KIAA2012: variants seen among roughly 807,000 people sequenced by gnomAD.
KIAA2012 encodes the protein KIAA2012, also known as uncharacterized protein KIAA2012.
A neutral mutation model predicts 150.6 loss-of-function variants in KIAA2012; 125 were observed. The ratio of observed to expected loss-of-function variants is 0.83; its 90% CI spans 0.72 to 0.96. The LOEUF (loss-of-function observed/expected upper bound fraction) is 0.96. Among genes scored for constraint, KIAA2012 ranks in the 40% least tolerant of loss-of-function variants. The pLI is 0.00. For missense variants in KIAA2012, 1,219 were observed against 1,354.9 expected (o/e 0.90, Z 1.57); for synonymous variants, 462 against 504.7 (o/e 0.92, Z 1.13).
chr2:202,202,139 ACTGCAC>A (rs1692542209), intron 22 of KIAA2012, among the ~76,000 whole-genome samples: 1 of 152,164 alleles, frequency 6.6e-6, no homozygotes, highest in Non-Finnish European at 1.5e-5. Context: ...GGCATGAGCC[ACTGCAC>A]CTGGCCCGTT....
chr2:202,093,309 A>G (rs1689780405), intron 4 of KIAA2012, 124 bp downstream of exon 4: 19 of 970,578 alleles, frequency 2.0e-5, no homozygotes, highest in Non-Finnish European at 2.9e-5. Flanking sequence ...CTCAATCTGT[A>G]AAATGAGGGG....
intron 11 of KIAA2012, chr2:202,115,052 A>G (rs538887263): frequency 6.0e-6 from 1 of 166,482 alleles, no homozygotes; most frequent in South Asian, 2.1e-4. Context: ...CTGGCTTTCT[A>G]AGAGTCTCTA....
At position 202,105,915 on chromosome 2, in the gene KIAA2012, C is replaced by G. The variant is rs1690179001; in HGVS notation, c.1474+5C>G. On this transcript the variant is annotated splice_donor_5th_base_variant and intron_variant, in intron 9 of 23. Transcript: ENST00000498697. Reference sequence around the variant, plus strand: ...GGGACACACTCTCACCTCAAGGTAGCTCCTCCCTCCCTCCAGCATCCCTCG... The same window carrying G: ...GGGACACACTCTCACCTCAAGGTAGGTCCTCCCTCCCTCCAGCATCCCTCG... The G allele has an allele frequency of 6.4e-7, 1 of 1,550,798 alleles. No individual in the cohort carries two copies. Among genetic ancestry groups the G allele is most frequent in the Non-Finnish European group, 8.7e-7 (1 of 1,147,078 alleles).
chr2:202,150,562 C>A (rs1197265465), intron 13 of KIAA2012, among the ~76,000 whole-genome samples: 1 of 152,084 alleles, frequency 6.6e-6, no homozygotes, highest in East Asian at 1.9e-4. Flanking sequence ...AATTCTCATG[C>A]CTCAGCCTCC....
intron 1 of KIAA2012, 43 bp downstream of exon 1, chr2:202,073,754 G>C: frequency 6.6e-7 from 1 of 1,510,340 alleles, no homozygotes; most frequent in South Asian, 1.2e-5. Flanking sequence ...GGAGGTGGGA[G>C]AGGAATGCTC....
chr2:202,090,844 C>A lies in KIAA2012; in HGVS notation c.444C>A (p.Ile148=). ...TGGAGAGCCAGGCCCAACGGCAGAT[C>A]CAGCCAGGGCATTCAGCCAAGAGAT... ...SQLESQAQRQ[I]QPGHSAKRYL... The change falls in exon 3 of 24, where the codon ATC becomes ATA. Residue 148 remains isoleucine (I), a synonymous_variant. Coordinates refer to ENST00000498697, the MANE Select transcript of KIAA2012 (RefSeq NM_001277372.4). The A allele has an allele frequency of 6.4e-7, 1 of 1,550,608 alleles. No homozygotes were observed. The highest frequency in any genetic ancestry group is 8.7e-7 in the Non-Finnish European group (1 of 1,146,984).
At chr2:202,097,833 G>C (rs967477650) in intron 5 of KIAA2012, among the ~76,000 whole-genome samples, 2 of 152,056 alleles carry the variant, frequency 1.3e-5, no homozygotes, top group African/African-American at 4.8e-5. Context: ...CGGGCAATCT[G>C]CTGGCTTCAG....
chr2:202,099,941 T>G (rs917473763), intron 6 of KIAA2012, 145 bp downstream of exon 6: 2 of 775,876 alleles, frequency 2.6e-6, no homozygotes, highest in Non-Finnish European at 4.0e-6. Context: ...GACGTGGGAA[T>G]GAGACTCTGG....
At chr2:202,161,238 G>C (rs552604360) in intron 14 of KIAA2012, among the ~76,000 whole-genome samples, 3 of 152,174 alleles carry the variant, frequency 2.0e-5, no homozygotes, top group African/African-American at 7.2e-5. Flanking sequence ...CCTCTCACAT[G>C]TTGGTTTCAA....
chr2:202,158,230 G>T (rs528033954), intron 14 of KIAA2012, among the ~76,000 whole-genome samples: 1 of 151,928 alleles, frequency 6.6e-6, no homozygotes, highest in South Asian at 2.1e-4. Flanking sequence ...TCCTGACCTC[G>T]CAATCCGCCT....
chr2:202,117,653 G>C (rs1485466012), intron 11 of KIAA2012, among the ~76,000 whole-genome samples: 3 of 152,210 alleles, frequency 2.0e-5, no homozygotes, highest in Non-Finnish European at 4.4e-5. Flanking sequence ...AAAAAGAGGA[G>C]TTGGTATTAG....
chr2:202,188,782 G>A (rs1360324198), intron 18 of KIAA2012, among the ~76,000 whole-genome samples: 1 of 152,194 alleles, frequency 6.6e-6, no homozygotes, highest in Non-Finnish European at 1.5e-5. Flanking sequence ...ATTGGGTAGT[G>A]AGAGCATTTG....
At chr2:202,148,283 T>C (rs1691343073) in intron 13 of KIAA2012, among the ~76,000 whole-genome samples, 1 of 152,178 alleles carries the variant, frequency 6.6e-6, no homozygotes, top group African/African-American at 2.4e-5. Flanking sequence ...GGTTGCCATG[T>C]TTCTCTTCCG....
intron 4 of KIAA2012, among the ~76,000 whole-genome samples, chr2:202,097,150 G>A (rs960989944): frequency 6.6e-6 from 1 of 152,182 alleles, no homozygotes; most frequent in Non-Finnish European, 1.5e-5. Flanking sequence ...ACAAGGAAGT[G>A]AGGGCAAGAA....
In KIAA2012 at chr2:202,103,771, G is replaced by A. The variant is rs1019318151; in HGVS notation, c.1324+657G>A. Among the ~76,000 whole-genome samples the A allele has an allele frequency of 3.3e-5, 5 of 152,228 alleles. No homozygotes were observed. In the South Asian group the frequency reaches 8.3e-4, roughly 25 times the overall value. On this transcript the variant is annotated intron_variant, in intron 8 of 23. Coordinates refer to ENST00000498697, the MANE Select transcript of KIAA2012 (RefSeq NM_001277372.4). ...AAGTTCTAAGAGAATATGAGCAAAG[G>A]AGTTCAATTCCAACTGGCGACGTGG...
At chr2:202,171,205 G>GCA (rs10532177) in intron 15 of KIAA2012, among the ~76,000 whole-genome samples, 9 of 149,910 alleles carry the variant, frequency 6.0e-5, no homozygotes, top group African/African-American at 2.2e-4. Flanking sequence ...AGACACACAT[G>GCA]CACACACACA....
At chr2:202,113,511 G>A in intron 11 of KIAA2012, 65 bp downstream of exon 11, 1 of 1,172,602 alleles carries the variant, frequency 8.5e-7, no homozygotes, top group Non-Finnish European at 1.2e-6. Flanking sequence ...GTTACCTGCA[G>A]CTTCCAAATT....
At chr2:202,174,439 T>C (rs1691953854) in intron 15 of KIAA2012, among the ~76,000 whole-genome samples, 1 of 152,166 alleles carries the variant, frequency 6.6e-6, no homozygotes, top group African/African-American at 2.4e-5. Flanking sequence ...ATATTATTAC[T>C]TATATGGAAA....
chr2:202,133,130 A>ATATATATATTTTTTTTTTTTTTTTTT (rs1279080237), intron 12 of KIAA2012, among the ~76,000 whole-genome samples: 2 of 67,772 alleles, frequency 3.0e-5, no homozygotes, highest in Non-Finnish European at 5.8e-5. Context: ...ATATATATAT[A>ATATATATATTTTTTTTTTTTTTTTTT]TTTTTTTTTT....
Sources: gnomAD v4.1 joint callset for allele counts (sites outside exome capture counted in the v4.1 genomes callset) on GRCh38, gnomAD v4.1.1 for gene constraint, MANE v1.5 for transcripts, NCBI Gene and HGNC (gene_info 2026-07-23, HGNC 2026-07-21) for gene names.